Variants in ANKRD28 observed in about 807,000 individuals in gnomAD.
ANKRD28 encodes ankyrin repeat domain 28.
ANKRD28 carries 44 observed loss-of-function variants against 126.5 expected under a neutral mutation model. That is an observed-to-expected ratio of 0.35 (90% confidence interval 0.27 to 0.45). The LOEUF (loss-of-function observed/expected upper bound fraction) is 0.45, where lower values mean the gene tolerates loss of function less well. Ranked by LOEUF, ANKRD28 falls within the 20% of genes least tolerant of loss-of-function variation. The pLI is 1.00. For missense variants in ANKRD28, 1,110 were observed against 1,316.6 expected (o/e 0.84, Z 2.43); for synonymous variants, 442 against 468.5 (o/e 0.94, Z 0.73).
rs770663194 is a variant in ANKRD28, at chr3:15,686,279, A to G, written c.1994T>C (p.Leu665Pro). 8 of 1,588,736 alleles carry G rather than the reference A, an allele frequency of 5.0e-6. No individual in the cohort carries two copies. Among genetic ancestry groups the G allele is most frequent in the Non-Finnish European group, 6.9e-6 (8 of 1,165,948 alleles). The change falls in exon 19 of 28, where the codon CTA becomes CCA. Residue 665 changes from leucine (L) to proline (P), a missense_variant. Transcript: ENST00000683139. ...ATNGHSECLR[L>P]LIGNAEPQNA... The stretch of plus-strand genomic sequence containing the variant: ...CTGTGGTTCTGCATTTCCTATTAAT[A>G]GCCGTAAGCATTCTGAATGACCATT...
chr3:15,697,717 C>G (rs1575212561), intron 14 of ANKRD28, among the ~76,000 whole-genome samples: 1 of 152,058 alleles, frequency 6.6e-6, no homozygotes, highest in South Asian at 2.1e-4. Context: ...ATTCTCAAGG[C>G]TTTGGTATCA....
intron 1 of ANKRD28, among the ~76,000 whole-genome samples, chr3:15,809,142 C>T (rs1029550387): frequency 3.9e-5 from 6 of 152,112 alleles, no homozygotes; most frequent in Non-Finnish European, 7.4e-5. Flanking sequence ...CAAAGTAGCC[C>T]AACACACAGT....
chr3:15,816,578 T>C lies in ANKRD28; in HGVS notation c.28-21272A>G, dbSNP rs2060834664. The stretch of plus-strand genomic sequence containing the variant: ...TATGACTGCTTTAAAGTCTTTCTGT[T>C]CTATAAAGTTGCTTCAAAAGGAAAA... On this transcript the variant is annotated intron_variant, in intron 1 of 27. Coordinates refer to the ANKRD28 transcript ENST00000399451. The surrounding 1 kb of genome is among the most constrained non-coding windows in gnomAD (Gnocchi z 5.0). Among the ~76,000 whole-genome samples, 1 of 152,234 alleles carries C rather than the reference T, an allele frequency of 6.6e-6. No individual in the cohort carries two copies. The highest frequency in any genetic ancestry group is 6.5e-5 in the Admixed American group (1 of 15,288).
chr3:15,858,878 A>C (rs2061832557), intron 1 of ANKRD28, among the ~76,000 whole-genome samples: 1 of 152,238 alleles, frequency 6.6e-6, no homozygotes, highest in African/African-American at 2.4e-5. Context: ...AAATGTCAAA[A>C]GAAAACAAGT....
At chr3:15,765,091 G>A (rs1339839332) in intron 3 of ANKRD28, among the ~76,000 whole-genome samples, 1 of 152,034 alleles carries the variant, frequency 6.6e-6, no homozygotes, top group African/African-American at 2.4e-5. Context: ...TATGCATGTA[G>A]GTATGCAATT....
chr3:15,756,509 G>A (rs952054080), intron 3 of ANKRD28: 3 of 985,336 alleles, frequency 3.0e-6, no homozygotes, highest in Non-Finnish European at 2.4e-6. Flanking sequence ...TAGGCAGCCA[G>A]CAATGCAGCT....
At chr3:15,672,053 G>A (rs1033011736) in intron 27 of ANKRD28, among the ~76,000 whole-genome samples, 4 of 151,846 alleles carry the variant, frequency 2.6e-5, no homozygotes, top group Admixed American at 6.6e-5. Flanking sequence ...TTATACTATG[G>A]TTTAGTTATA....
At chr3:15,748,629 T>C (rs532162082) in intron 4 of ANKRD28, among the ~76,000 whole-genome samples, 1 of 152,350 alleles carries the variant, frequency 6.6e-6, no homozygotes, top group East Asian at 1.9e-4. Flanking sequence ...GAAGATTCTT[T>C]CCTGCATCTT....
chr3:15,690,801 C>T lies in ANKRD28; in HGVS notation c.1762-581G>A, dbSNP rs532843282. ...CCGGGCTGGTCTCAAAATTCCTGGC[C>T]TCAAGTCATCCTCCTACCTTGGTCT... is the stretch of plus-strand genomic sequence containing the variant. On this transcript the variant is annotated intron_variant, in intron 17 of 27. Transcript: ENST00000683139. Among the ~76,000 whole-genome samples the T allele has an allele frequency of 5.3e-5, 8 of 152,206 alleles. No homozygotes were observed. In the South Asian group the frequency reaches 1.7e-3, roughly 32 times the overall value.
At chr3:15,683,311 T>A (rs897765213) in intron 21 of ANKRD28, among the ~76,000 whole-genome samples, 1 of 152,160 alleles carries the variant, frequency 6.6e-6, no homozygotes, top group Non-Finnish European at 1.5e-5. Flanking sequence ...ATATTTTGGG[T>A]TTTCCTTATA....
chr3:15,724,285 A>G, intron 7 of ANKRD28, 97 bp downstream of exon 7: 2 of 1,056,268 alleles, frequency 1.9e-6, no homozygotes, highest in South Asian at 1.9e-5. Flanking sequence ...AAAACATTGT[A>G]TAAAATAATT....
intron 3 of ANKRD28, among the ~76,000 whole-genome samples, chr3:15,764,758 TTCTTA>T (rs1421260075): frequency 2.4e-4 from 36 of 152,132 alleles, no homozygotes; most frequent in Non-Finnish European, 2.9e-4. Context: ...ACCTCCTCAG[TTCTTA>T]TCTTGAGTAA....
At chr3:15,850,204 A>AAAAAAAAAT (rs1486394619) in intron 1 of ANKRD28, among the ~76,000 whole-genome samples, 3 of 54,832 alleles carry the variant, frequency 5.5e-5, no homozygotes, top group Admixed American at 2.4e-4. Flanking sequence ...AAAAAAAAAA[A>AAAAAAAAAT]ATATATATAT....
chr3:15,809,773 C>T (rs1010869653), intron 1 of ANKRD28, among the ~76,000 whole-genome samples: 5 of 152,180 alleles, frequency 3.3e-5, no homozygotes, highest in Non-Finnish European at 5.9e-5. Context: ...AGTTACTTTT[C>T]TAAATCATAG....
chr3:15,796,113 C>A (rs1338707582), intron 1 of ANKRD28, among the ~76,000 whole-genome samples: 2 of 152,028 alleles, frequency 1.3e-5, no homozygotes, highest in Non-Finnish European at 1.5e-5. Context: ...TCTGAAACCA[C>A]AAAATGAAAA....
At chr3:15,689,510 G>A (rs946117810) in intron 18 of ANKRD28, among the ~76,000 whole-genome samples, 2 of 152,220 alleles carry the variant, frequency 1.3e-5, no homozygotes, top group African/African-American at 4.8e-5. Flanking sequence ...GGCCACAGGA[G>A]GAAGGGAGCT....
At chr3:15,828,137 A>C (rs1206182791) in intron 1 of ANKRD28, among the ~76,000 whole-genome samples, 4 of 152,222 alleles carry the variant, frequency 2.6e-5, no homozygotes, top group African/African-American at 4.8e-5. Flanking sequence ...AATATGATTA[A>C]ATTTTGACTT....
chr3:15,750,825 T>A lies in ANKRD28; in HGVS notation c.351+925A>T, dbSNP rs2057812235. Among the ~76,000 whole-genome samples the A allele has an allele frequency of 2.0e-5, 3 of 152,132 alleles. No individual in the cohort carries two copies. The South Asian group carries it at 6.2e-4, about 31-fold the overall frequency. On this transcript the variant is annotated intron_variant, in intron 4 of 27. Coordinates refer to ENST00000683139, the MANE Select transcript of ANKRD28 (RefSeq NM_001349278.2). The stretch of plus-strand genomic sequence containing the variant: ...GGACAGAAGAAGCAGTAGCTACACT[T>A]AGGAGTTCCTTTCTTAACCTCACAA...
At chr3:15,848,019 G>A (rs1478173570) in intron 1 of ANKRD28, among the ~76,000 whole-genome samples, 1 of 152,122 alleles carries the variant, frequency 6.6e-6, no homozygotes, top group Non-Finnish European at 1.5e-5. Context: ...TTTACTTCTT[G>A]ACAGTTCTCC....
Sources: gnomAD v4.1 joint callset for allele counts (sites outside exome capture counted in the v4.1 genomes callset) on GRCh38, gnomAD v4.1.1 for gene constraint, Gnocchi (gnomAD v3.1) non-coding constraint, MANE v1.5 for transcripts, NCBI Gene and HGNC (gene_info 2026-07-23, HGNC 2026-07-21) for gene names.